The following UVRAG variants were observed in gnomAD, a reference collection of about 807,000 sequenced individuals.
UVRAG encodes the protein UV radiation resistance-associated gene protein.
In UVRAG, 19 loss-of-function variants were observed where a neutral mutation model predicts 78.0. The ratio of observed to expected loss-of-function variants is 0.24; its 90% CI spans 0.17 to 0.36. UVRAG has a LOEUF of 0.36. Ranked by LOEUF, UVRAG falls within the 10% of genes least tolerant of loss-of-function variation. The pLI, the probability that UVRAG is intolerant of heterozygous loss-of-function variation, is 1.00. For missense variants in UVRAG, 740 were observed against 853.8 expected (o/e 0.87, Z 1.66); for synonymous variants, 323 against 324.6 (o/e 1.00, Z 0.05).
intron 6 of UVRAG, among the ~76,000 whole-genome samples, chr11:75,929,160 A>G (rs1410976169): frequency 5.9e-5 from 9 of 152,190 alleles, no homozygotes; most frequent in Non-Finnish European, 1.3e-4. Context: ...TATAGTATCC[A>G]TATGAATCGT....
rs1250587280 is a variant in UVRAG, at chr11:76,140,763, A to G, written c.1450A>G (p.Ile484Val). The G allele has an allele frequency of 2.5e-6, 4 of 1,612,344 alleles. No homozygotes were observed. The highest frequency in any genetic ancestry group is 3.4e-6 in the Non-Finnish European group (4 of 1,179,388). Residue 484 changes from isoleucine to valine, a missense_variant, in exon 15 of 15, where the codon ATA becomes GTA. Physicochemically the swap from Ile to Val is conservative, Grantham distance 29. Transcript: ENST00000356136. Reference sequence around the variant, plus strand: ...CCCTGTTCCTAAGAGACAAAGCTCCATATTTGGGGGTGCAGATGTAGGCTT... The same window carrying G: ...CCCTGTTCCTAAGAGACAAAGCTCCGTATTTGGGGGTGCAGATGTAGGCTT... ...AIPVPKRQSS[I>V]FGGADVGFSG...
chr11:76,048,375 G>A (rs147302050), intron 12 of UVRAG, among the ~76,000 whole-genome samples: 49 of 152,170 alleles, frequency 3.2e-4, no homozygotes, highest in African/African-American at 1.1e-3. Context: ...ACAAATATGA[G>A]GCTATAAAAT....
chr11:75,932,275 T>TTATG lies in UVRAG; in HGVS notation c.593+20239_593+20240insGTAT, dbSNP rs1473554013. Among the ~76,000 whole-genome samples the TTATG allele has an allele frequency of 4.0e-5, 6 of 150,022 alleles. No homozygotes were observed. The South Asian group carries it at 1.3e-3, about 32-fold the overall frequency. ...TGCAGATTATATGATCTTTATTTAT[T>TTATG]TATTTATTTATTTATTTATTTATTT... On this transcript the variant is annotated intron_variant, in intron 6 of 14. Transcript: ENST00000356136.
At chr11:76,127,649 A>AAATG (rs1393289134) in intron 14 of UVRAG, among the ~76,000 whole-genome samples, 58 of 150,700 alleles carry the variant, frequency 3.8e-4, no homozygotes, top group Non-Finnish European at 5.3e-4. Flanking sequence ...AAAAAAAAAA[A>AAATG]AATGAATGAA....
At chr11:75,883,933 G>T (rs1308405539) in intron 4 of UVRAG, among the ~76,000 whole-genome samples, 1 of 152,088 alleles carries the variant, frequency 6.6e-6, no homozygotes, top group Non-Finnish European at 1.5e-5. Flanking sequence ...ATAGGTCTTT[G>T]TGTTTCTTTT....
At chr11:75,996,717 A>G (rs1318495578) in intron 8 of UVRAG, among the ~76,000 whole-genome samples, 1 of 152,194 alleles carries the variant, frequency 6.6e-6, no homozygotes, top group Non-Finnish European at 1.5e-5. Flanking sequence ...CATTTTACAG[A>G]TGAGGAACAT....
chr11:76,091,211 A>G (rs1405272357), intron 13 of UVRAG, among the ~76,000 whole-genome samples: 1 of 152,200 alleles, frequency 6.6e-6, no homozygotes, highest in Non-Finnish European at 1.5e-5. Flanking sequence ...TTCCAGTGTT[A>G]CTGAAAAATC....
At chr11:75,887,353 C>T (rs897725406) in intron 4 of UVRAG, among the ~76,000 whole-genome samples, 9 of 151,280 alleles carry the variant, frequency 5.9e-5, no homozygotes, top group Non-Finnish European at 1.5e-5. Flanking sequence ...ACCATGTTGG[C>T]CAGGCTGGTC....
At chr11:76,019,908 C>G (rs142188949) in intron 12 of UVRAG, among the ~76,000 whole-genome samples, 250 of 152,324 alleles carry the variant, frequency 1.6e-3, no homozygotes, top group African/African-American at 5.8e-3. Flanking sequence ...TTGTGTCCTT[C>G]CCTTCAGGGC....
At chr11:76,097,084 G>A (rs1282551486) in intron 13 of UVRAG, among the ~76,000 whole-genome samples, 2 of 152,174 alleles carry the variant, frequency 1.3e-5, no homozygotes, top group African/African-American at 2.4e-5. Context: ...TGGAGGTGGA[G>A]AGTAGAATAG....
chr11:75,982,889 T>G (rs1565103291), intron 7 of UVRAG, among the ~76,000 whole-genome samples: 1 of 152,218 alleles, frequency 6.6e-6, no homozygotes, highest in Non-Finnish European at 1.5e-5. Context: ...ATAGGCCACA[T>G]TTTATTTATC....
chr11:76,139,784 G>A (rs1952672467), intron 14 of UVRAG, among the ~76,000 whole-genome samples: 2 of 151,784 alleles, frequency 1.3e-5, no homozygotes, highest in Non-Finnish European at 2.9e-5. Flanking sequence ...TAGGGTTTTT[G>A]TAAAGACTAA....
At chr11:75,945,036 A>G (rs1948562112) in intron 6 of UVRAG, among the ~76,000 whole-genome samples, 1 of 152,202 alleles carries the variant, frequency 6.6e-6, no homozygotes, top group Admixed American at 6.5e-5. Flanking sequence ...TTTCTGGTTT[A>G]CAAACATTAA....
chr11:75,949,742 T>C (rs1386344535), intron 6 of UVRAG, among the ~76,000 whole-genome samples: 5 of 149,404 alleles, frequency 3.3e-5, no homozygotes, highest in East Asian at 1.9e-4. Context: ...TATACACATA[T>C]ATATATACAC....
intron 2 of UVRAG, among the ~76,000 whole-genome samples, chr11:75,853,258 CT>C (rs113746488): frequency 2.6e-5 from 4 of 151,818 alleles, no homozygotes; most frequent in South Asian, 2.1e-4. Flanking sequence ...TGTTTAACAA[CT>C]TTTTTTAATG....
At chr11:75,966,540 A>AT (rs1394726682) in intron 7 of UVRAG, among the ~76,000 whole-genome samples, 3 of 152,102 alleles carry the variant, frequency 2.0e-5, no homozygotes, top group Non-Finnish European at 4.4e-5. Context: ...TTGTCGACAT[A>AT]TATGTATGAG....
rs377602304 is a variant in UVRAG at position 75,999,505 on chromosome 11, C to T, written c.827-4500C>T. On this transcript the variant is annotated intron_variant, in intron 8 of 14. Coordinates refer to ENST00000356136, the MANE Select transcript of UVRAG (RefSeq NM_003369.4). ...TCAAGTGATTCCTGCCTCAGCCTCC[C>T]GAGTAGCTGGGATTACAGGCGCACA... is the stretch of plus-strand genomic sequence containing the variant. Among the ~76,000 whole-genome samples, 7 of 151,748 alleles carry T rather than the reference C, an allele frequency of 4.6e-5. No individual in the cohort carries two copies. In the East Asian group the frequency reaches 7.9e-4, roughly 17 times the overall value.
At chr11:75,999,375 TTTG>T (rs1265620661) in intron 8 of UVRAG, among the ~76,000 whole-genome samples, 1 of 146,520 alleles carries the variant, frequency 6.8e-6, no homozygotes. Context: ...CAGTTGTTTT[TTTG>T]TTTGTTTATT....
At chr11:76,138,766 G>A (rs1952644884) in intron 14 of UVRAG, among the ~76,000 whole-genome samples, 1 of 152,220 alleles carries the variant, frequency 6.6e-6, no homozygotes, top group African/African-American at 2.4e-5. Context: ...CACCCCTCGT[G>A]GGCTGGGCTG....
Sources: gnomAD v4.1 joint callset for allele counts (sites outside exome capture counted in the v4.1 genomes callset) on GRCh38, gnomAD v4.1.1 for gene constraint, MANE v1.5 for transcripts, NCBI Gene and HGNC (gene_info 2026-07-23, HGNC 2026-07-21) for gene names.